OR2L13: variants seen among roughly 807,000 people sequenced by gnomAD.
OR2L13 encodes olfactory receptor family 2 subfamily L member 13, also known as olfactory receptor 2L13.
Under a neutral mutation model 15.3 loss-of-function variants are expected in OR2L13, and 14 were observed. That is an observed-to-expected ratio of 0.91 (90% CI 0.60 to 1.43). OR2L13 has a LOEUF of 1.43. Ranked by LOEUF, OR2L13 falls within the 40% of genes most tolerant of loss-of-function variation. OR2L13 has a pLI of 0.00. For missense variants in OR2L13, 367 were observed against 387.9 expected (o/e 0.95, Z 0.45); for synonymous variants, 152 against 142.9 (o/e 1.06, Z -0.45).
the OR2L13 span, among the ~76,000 whole-genome samples, chr1:247,957,378 C>A: frequency 6.6e-6 from 1 of 152,164 alleles, no homozygotes; most frequent in Non-Finnish European, 1.5e-5. Context: ...CGTCGATGTT[C>A]ATCAGGGATA....
chr1:248,071,349 C>A, the OR2L13 span, among the ~76,000 whole-genome samples: 1 of 152,006 alleles, frequency 6.6e-6, no homozygotes, highest in South Asian at 2.1e-4. Context: ...TGTAATCCAG[C>A]ATATAAACAG....
the OR2L13 span, among the ~76,000 whole-genome samples, chr1:248,020,477 C>A: frequency 6.6e-6 from 1 of 152,138 alleles, no homozygotes; most frequent in African/African-American, 2.4e-5. Flanking sequence ...ACACAGAATA[C>A]ACATCCTGCT....
At chr1:248,088,044 T>C in the OR2L13 span, among the ~76,000 whole-genome samples, 17 of 152,334 alleles carry the variant, frequency 1.1e-4, no homozygotes, top group East Asian at 3.3e-3. Flanking sequence ...CTATTTAATC[T>C]TTTAGTTAGC....
At chr1:247,956,930 C>G in the OR2L13 span, among the ~76,000 whole-genome samples, 362 of 152,212 alleles carry the variant, frequency 2.4e-3, 6 homozygotes, top group Middle Eastern at 3.4e-3. Context: ...GTTGAATCCC[C>G]TTTATTTCCT....
At chr1:248,084,679 CTTTT>C in the OR2L13 span, 1 of 1,496,866 alleles carries the variant, frequency 6.7e-7, no homozygotes, top group Admixed American at 2.3e-5. Flanking sequence ...TAACTTCCCT[CTTTT>C]TTTTCATAGA....
the OR2L13 span, chr1:248,041,326 ATCCCT>A: frequency 3.3e-5 from 5 of 152,236 alleles, no homozygotes; most frequent in African/African-American, 1.2e-4. Context: ...CTGAAACTGG[ATCCCT>A]TCCTTACACC....
At chr1:248,048,772 G>T in the OR2L13 span, among the ~76,000 whole-genome samples, 1 of 152,060 alleles carries the variant, frequency 6.6e-6, no homozygotes, top group Admixed American at 6.6e-5. Flanking sequence ...CGCTTCAGAA[G>T]ACAGGAAGTA....
the OR2L13 span, chr1:248,023,086 A>C: frequency 2.0e-6 from 1 of 488,332 alleles, no homozygotes; most frequent in South Asian, 3.9e-5. Flanking sequence ...TTTTTATCAA[A>C]AGACAGATCA....
At chr1:247,969,090 G>C in the OR2L13 span, among the ~76,000 whole-genome samples, 1 of 152,152 alleles carries the variant, frequency 6.6e-6, no homozygotes, top group Admixed American at 6.5e-5. Flanking sequence ...TTCCTCTGAT[G>C]ACCAGTGATG....
At chr1:248,014,111 GTTTGA>G in the OR2L13 span, among the ~76,000 whole-genome samples, 3 of 152,010 alleles carry the variant, frequency 2.0e-5, no homozygotes, top group Non-Finnish European at 4.4e-5. Flanking sequence ...TTTGGTTTTG[GTTTGA>G]TTTCTTTTGC....
the OR2L13 span, among the ~76,000 whole-genome samples, chr1:248,028,140 CAAAAAAAAAAAAA>C: frequency 5.3e-5 from 2 of 37,778 alleles, no homozygotes; most frequent in Non-Finnish European, 9.8e-5. Context: ...GATTCCGTCT[CAAAAAAAAAAAAA>C]AAAAAAAAAA....
the OR2L13 span, chr1:248,022,778 C>T: frequency 6.2e-7 from 1 of 1,614,064 alleles, no homozygotes; most frequent in Non-Finnish European, 8.5e-7. Context: ...CTGTTTTCTA[C>T]ACCATCCTCA....
the OR2L13 span, among the ~76,000 whole-genome samples, chr1:248,059,070 CACA>C: frequency 4.6e-5 from 7 of 152,024 alleles, no homozygotes; most frequent in African/African-American, 7.3e-5. Flanking sequence ...GAATTCTGAT[CACA>C]ACAATTCATT....
the OR2L13 span, among the ~76,000 whole-genome samples, chr1:248,064,616 T>C: frequency 6.6e-6 from 1 of 152,154 alleles, no homozygotes; most frequent in Non-Finnish European, 1.5e-5. Context: ...CTTTACCCAT[T>C]CCAGGTAGTG....
chr1:248,077,265 C>T, the OR2L13 span, among the ~76,000 whole-genome samples: 3 of 152,088 alleles, frequency 2.0e-5, no homozygotes, highest in Non-Finnish European at 2.9e-5. Context: ...TGAGGATTTT[C>T]GTATTGATGT....
the OR2L13 span, among the ~76,000 whole-genome samples, chr1:247,996,107 C>G: frequency 6.6e-6 from 1 of 152,182 alleles, no homozygotes; most frequent in Non-Finnish European, 1.5e-5. Context: ...CCTCCTTCAG[C>G]TGACCTACGA....
At chr1:248,016,746 T>C in the OR2L13 span, among the ~76,000 whole-genome samples, 1 of 151,946 alleles carries the variant, frequency 6.6e-6, no homozygotes. Context: ...TATTTATTTA[T>C]ATGTTTTCAT....
the OR2L13 span, among the ~76,000 whole-genome samples, chr1:247,987,618 C>T: frequency 1.3e-5 from 2 of 152,112 alleles, no homozygotes; most frequent in Admixed American, 1.3e-4. Context: ...CTTCCTGACC[C>T]CAAAGATAAG....
the OR2L13 span, among the ~76,000 whole-genome samples, chr1:248,000,123 G>GGTGTGTGTGTGT: frequency 1.5e-3 from 201 of 138,288 alleles, no homozygotes; most frequent in African/African-American, 4.6e-3. Context: ...TTTTTTTTTT[G>GGTGTGTGTGTGT]GTGTGTGTGT....
Sources: gnomAD v4.1 joint callset for allele counts (sites outside exome capture counted in the v4.1 genomes callset) on GRCh38, gnomAD v4.1.1 for gene constraint, MANE v1.5 for transcripts, NCBI Gene and HGNC (gene_info 2026-07-23, HGNC 2026-07-21) for gene names.